The following CSMD1 variants were observed in gnomAD, a reference collection of about 807,000 sequenced individuals.
CSMD1 encodes CUB and sushi domain-containing protein 1.
In CSMD1, 213 loss-of-function variants were observed where a neutral mutation model predicts 417.5. The observed-to-expected ratio is 0.51, with a 90% CI of 0.46 to 0.57. CSMD1 has a LOEUF of 0.57. Among genes scored for constraint, CSMD1 ranks in the 20% least tolerant of loss-of-function variants. CSMD1 has a pLI of 0.00. For synonymous variants in CSMD1, 2,862 were observed against 1,736.8 expected (o/e 1.65, Z -16.11); for missense variants, 6,923 against 4,529.7 (o/e 1.53, Z -15.17).
chr8:3,886,367 CA>C (rs1440150060), intron 5 of CSMD1, among the ~76,000 whole-genome samples: 1 of 152,130 alleles, frequency 6.6e-6, no homozygotes, highest in Non-Finnish European at 1.5e-5. Context: ...ATTTTTTAAA[CA>C]AACTGTGGTG....
chr8:4,883,834 C>G (rs1384408759), intron 1 of CSMD1, among the ~76,000 whole-genome samples: 2 of 151,894 alleles, frequency 1.3e-5, no homozygotes, highest in African/African-American at 4.8e-5. Context: ...TTTAATTTCT[C>G]TTAGATTTAT....
intron 18 of CSMD1, among the ~76,000 whole-genome samples, chr8:3,375,520 G>A (rs752985363): frequency 2.0e-4 from 31 of 151,854 alleles, no homozygotes; most frequent in Non-Finnish European, 1.0e-4. Context: ...TACAGAAGTC[G>A]CTGATTTTAT....
At chr8:3,927,885 G>C (rs900489270) in intron 5 of CSMD1, among the ~76,000 whole-genome samples, 4 of 152,034 alleles carry the variant, frequency 2.6e-5, no homozygotes, top group Admixed American at 6.6e-5. Context: ...CTTAATATGA[G>C]AGTCGAAGGT....
At chr8:3,578,625 G>C (rs1262071316) in intron 9 of CSMD1, among the ~76,000 whole-genome samples, 1 of 152,170 alleles carries the variant, frequency 6.6e-6, no homozygotes, top group Non-Finnish European at 1.5e-5. Context: ...ACGTATGAAA[G>C]TTTATCACCT....
intron 2 of CSMD1, among the ~76,000 whole-genome samples, chr8:4,576,942 T>C (rs1436233774): frequency 1.3e-5 from 2 of 152,224 alleles, no homozygotes; most frequent in African/African-American, 2.4e-5. Context: ...TATGTAGAAA[T>C]CCTCCAAGCT....
intron 3 of CSMD1, among the ~76,000 whole-genome samples, chr8:4,202,912 C>T (rs1005218574): frequency 6.6e-6 from 1 of 152,104 alleles, no homozygotes; most frequent in African/African-American, 2.4e-5. Context: ...GTGTGGACAC[C>T]TGGAGTGAGG....
In CSMD1 at chr8:4,788,513, C is replaced by A. The variant is rs1256464076; in HGVS notation, c.86-150955G>T. On this transcript the variant is annotated intron_variant, in intron 1 of 69. Transcript: ENST00000635120. ...AGACAACCATTTAGTATGGAGCAAACTGTGAGCAAGCATTTTGAACACATG... is the reference window on the plus strand; with the variant it reads ...AGACAACCATTTAGTATGGAGCAAAATGTGAGCAAGCATTTTGAACACATG... 7 of 1,409,816 alleles carry A rather than the reference C, an allele frequency of 5.0e-6. 1 individual carries two copies. The highest frequency in any genetic ancestry group is 7.0e-6 in the Non-Finnish European group (7 of 1,001,414). 87.3% of individuals were successfully genotyped at this position (1,409,816 alleles called of 1,614,324 possible).
intron 12 of CSMD1, among the ~76,000 whole-genome samples, chr8:3,436,743 T>C (rs1371268773): frequency 6.6e-6 from 1 of 152,172 alleles, no homozygotes; most frequent in African/African-American, 2.4e-5. Context: ...ACATTGGCAA[T>C]GAGCATTTTT....
chr8:4,372,626 A>C (rs1165611186), intron 3 of CSMD1, among the ~76,000 whole-genome samples: 1 of 94,692 alleles, frequency 1.1e-5, no homozygotes, highest in African/African-American at 4.5e-5. Flanking sequence ...AAAGTAAGGA[A>C]GTGTTAAAAA....
chr8:3,493,369 T>C (rs1377283116), intron 11 of CSMD1, among the ~76,000 whole-genome samples: 4 of 151,398 alleles, frequency 2.6e-5, no homozygotes, highest in Non-Finnish European at 5.9e-5. Context: ...CTCATGAGTA[T>C]ACTAATTTTT....
At chr8:4,914,080 G>C (rs542929577) in intron 1 of CSMD1, among the ~76,000 whole-genome samples, 1 of 152,186 alleles carries the variant, frequency 6.6e-6, no homozygotes, top group Non-Finnish European at 1.5e-5. Flanking sequence ...ATTACTCAGA[G>C]AGGAAGATTT....
chr8:3,114,341 ATGT>A (rs1816724575), intron 42 of CSMD1, among the ~76,000 whole-genome samples: 2 of 151,960 alleles, frequency 1.3e-5, no homozygotes, highest in African/African-American at 4.8e-5. Context: ...CTCTAGTATT[ATGT>A]TAAGTTTTTT....
chr8:3,008,196 G>A (rs1337674580), intron 52 of CSMD1, among the ~76,000 whole-genome samples: 2 of 152,168 alleles, frequency 1.3e-5, no homozygotes, highest in African/African-American at 4.8e-5. Context: ...CGAGAGGGAG[G>A]AAAGGCCTAA....
intron 1 of CSMD1, among the ~76,000 whole-genome samples, chr8:4,705,057 G>A (rs1009774254): frequency 1.3e-5 from 2 of 152,102 alleles, no homozygotes; most frequent in African/African-American, 4.8e-5. Context: ...TCATGCTAGT[G>A]GGTGAGTTCT....
chr8:3,623,089 T>TGA (rs1796334599), intron 7 of CSMD1, among the ~76,000 whole-genome samples: 1 of 152,212 alleles, frequency 6.6e-6, no homozygotes, highest in Admixed American at 6.5e-5. Flanking sequence ...ACACCATTAA[T>TGA]ATTAAAGAAA....
chr8:4,802,879 T>C (rs1388040303), intron 1 of CSMD1, among the ~76,000 whole-genome samples: 5 of 152,204 alleles, frequency 3.3e-5, no homozygotes, highest in African/African-American at 7.2e-5. Context: ...TATCATGTCA[T>C]ATCCGTGTGT....
intron 21 of CSMD1, among the ~76,000 whole-genome samples, chr8:3,348,778 G>C (rs966795090): frequency 6.6e-6 from 1 of 152,120 alleles, no homozygotes; most frequent in African/African-American, 2.4e-5. Context: ...TTGACTTCTA[G>C]ATCTAAATTT....
chr8:3,921,500 A>G (rs372218382), intron 5 of CSMD1, among the ~76,000 whole-genome samples: 1 of 152,130 alleles, frequency 6.6e-6, no homozygotes, highest in South Asian at 2.1e-4. Flanking sequence ...TATATAAAAT[A>G]CTTTTTATTT....
chr8:4,021,381 C>G (rs552158571), intron 4 of CSMD1, among the ~76,000 whole-genome samples: 3 of 152,312 alleles, frequency 2.0e-5, no homozygotes, highest in East Asian at 3.9e-4. Flanking sequence ...GGATTTTTAA[C>G]TTCATCTGTG....
Sources: gnomAD v4.1 joint callset for allele counts (sites outside exome capture counted in the v4.1 genomes callset) on GRCh38, gnomAD v4.1.1 for gene constraint, MANE v1.5 for transcripts, NCBI Gene and HGNC (gene_info 2026-07-23, HGNC 2026-07-21) for gene names.